Variants in FAM149A observed in about 807,000 individuals in gnomAD.
The protein encoded by FAM149A is family with sequence similarity 149 member A, also known as protein FAM149A.
A neutral mutation model predicts 78.2 loss-of-function variants in FAM149A; 71 were observed. The ratio of observed to expected loss-of-function variants is 0.91; its 90% CI spans 0.75 to 1.11. The LOEUF (loss-of-function observed/expected upper bound fraction) is 1.11, where lower values mean the gene tolerates loss of function less well. FAM149A is among the 50% of genes least tolerant of loss of function. FAM149A has a pLI of 0.00. For missense variants in FAM149A, 1,036 were observed against 971.0 expected (o/e 1.07, Z -0.89); for synonymous variants, 446 against 410.5 (o/e 1.09, Z -1.04).
intron 1 of FAM149A, 57 bp downstream of exon 1, chr4:186,105,699 C>G (rs1401485511): frequency 2.0e-6 from 2 of 1,012,384 alleles, no homozygotes; most frequent in Non-Finnish European, 2.4e-6. Context: ...CCGACCCCTC[C>G]GCCTGCCGCA....
intron 8 of FAM149A, 73 bp downstream of exon 8, chr4:186,157,792 A>T: frequency 6.4e-7 from 1 of 1,565,900 alleles, no homozygotes; most frequent in East Asian, 2.3e-5. Context: ...TCGTTCTGTT[A>T]AACTGCAGTA....
intron 1 of FAM149A, among the ~76,000 whole-genome samples, chr4:186,129,230 A>T (rs548284862): frequency 6.6e-6 from 1 of 151,802 alleles, no homozygotes; most frequent in East Asian, 1.9e-4. Flanking sequence ...TGTGCTCCGA[A>T]TACACTTCTA....
chr4:186,148,999 GGTGT>G (rs70964919), intron 1 of FAM149A, among the ~76,000 whole-genome samples, 170 bp from the exon 2 acceptor site: 1,639 of 148,044 alleles, frequency 0.011, 21 homozygotes, highest in East Asian at 0.027. Flanking sequence ...ATCAGGATGG[GGTGT>G]GTGTGTGTGT....
rs1473254913 is a variant in FAM149A at position 186,144,872 on chromosome 4, AG to A, written c.567-4300del. 1.0e-6 allele frequency: 1 copy of A among 974,546 alleles called. No individual in the cohort carries two copies. The highest frequency in any genetic ancestry group is 1.2e-6 in the Non-Finnish European group (1 of 826,346). 60.4% of individuals were successfully genotyped at this position (974,546 alleles called of 1,614,324 possible). A position where few individuals can be genotyped will look rare whatever the true frequency, so the allele number is the denominator to read the frequency against. On this transcript the variant is annotated intron_variant, in intron 1 of 13. Coordinates refer to ENST00000389354, the MANE Select transcript of FAM149A (RefSeq NM_001367768.3). This position sits in a 1 kb window ranked among gnomAD's most constrained non-coding sequence, Gnocchi z 4.2. ...GATCTGGAGAGGGAAGGGGCGTGCG[AG>A]CCCCGCGGACCCCGGGCGCGCCCGG...
intron 1 of FAM149A, among the ~76,000 whole-genome samples, chr4:186,131,347 CAAAAA>C (rs35861617): frequency 6.7e-6 from 1 of 148,760 alleles, no homozygotes; most frequent in Non-Finnish European, 1.5e-5. Context: ...GACTCCAACT[CAAAAA>C]AAAAAAGAGG....
chr4:186,158,419 G>A (rs1392128232), intron 8 of FAM149A: 6 of 1,180,834 alleles, frequency 5.1e-6, no homozygotes, highest in Non-Finnish European at 6.4e-6. Context: ...GCTGGCTCAG[G>A]GAGTTCTGGG....
chr4:186,131,512 A>G (rs2099320730), intron 1 of FAM149A, among the ~76,000 whole-genome samples: 1 of 152,230 alleles, frequency 6.6e-6, no homozygotes, highest in Admixed American at 6.5e-5. Context: ...TCCAGGCTCC[A>G]TAACTGTGAC....
intron 1 of FAM149A, among the ~76,000 whole-genome samples, chr4:186,124,972 G>A (rs372638632): frequency 1.1e-4 from 17 of 152,266 alleles, no homozygotes; most frequent in African/African-American, 3.9e-4. Context: ...GGTGTGAGAC[G>A]GTATCTCGTT....
In FAM149A at chr4:186,172,039, T is replaced by A. The variant is rs557386900; in HGVS notation, c.*52T>A. On this transcript the variant is annotated 3_prime_UTR_variant, in exon 14 of 14. Transcript: ENST00000389354. The stretch of plus-strand genomic sequence containing the variant: ...ACCTGTGGCCTCGGCACACTGCTTA[T>A]CACTTGAAAAATGGAGGAACAAGTG... The A allele has an allele frequency of 1.4e-4, 215 of 1,586,210 alleles. 3 individuals are homozygous for A. In the South Asian group the frequency reaches 2.4e-3, roughly 18 times the overall value.
At chr4:186,110,545 T>G (rs1347221261) in intron 1 of FAM149A, among the ~76,000 whole-genome samples, 1 of 89,382 alleles carries the variant, frequency 1.1e-5, no homozygotes, top group East Asian at 3.4e-4. Flanking sequence ...CCCTCCCCCC[T>G]CCCCCAACCC....
At chr4:186,109,963 T>G (rs954790174) in intron 1 of FAM149A, 9 of 985,334 alleles carry the variant, frequency 9.1e-6, no homozygotes, top group Non-Finnish European at 1.1e-5. Context: ...CATTTACCAC[T>G]CTGGGATCAA....
At chr4:186,152,829 C>T (rs1021049736) in intron 4 of FAM149A, among the ~76,000 whole-genome samples, 1 of 152,214 alleles carries the variant, frequency 6.6e-6, no homozygotes, top group African/African-American at 2.4e-5. Flanking sequence ...CAGGCATGAG[C>T]CACCGCGCCC....
chr4:186,159,362 G>A (rs1355455117), intron 8 of FAM149A, among the ~76,000 whole-genome samples: 5 of 152,144 alleles, frequency 3.3e-5, no homozygotes, highest in Non-Finnish European at 7.4e-5. Context: ...GAGCAGGAAT[G>A]AGCAAGGCTC....
intron 8 of FAM149A, chr4:186,160,695 ACACACACTAC>A: frequency 6.2e-6 from 4 of 641,368 alleles, no homozygotes; most frequent in Non-Finnish European, 5.7e-6. Flanking sequence ...CACACATACC[ACACACACTAC>A]CACACACCAC....
chr4:186,118,196 C>T (rs1178199823), intron 1 of FAM149A: 4 of 985,440 alleles, frequency 4.1e-6, no homozygotes, highest in Non-Finnish European at 3.6e-6. Flanking sequence ...GATGACATCA[C>T]ACACCACGCA....
chr4:186,137,520 G>C (rs556672666), intron 1 of FAM149A, among the ~76,000 whole-genome samples: 4 of 151,846 alleles, frequency 2.6e-5, no homozygotes, highest in Non-Finnish European at 4.4e-5. Flanking sequence ...TATCTATTCT[G>C]GAATGAAAAT....
At chr4:186,147,078 G>A (rs971049427) in intron 1 of FAM149A, 1 of 714,128 alleles carries the variant, frequency 1.4e-6, no homozygotes, top group Non-Finnish European at 1.7e-6. Context: ...AGAGTAGCAG[G>A]TGATGATGAT....
rs969440433 is a variant in FAM149A at position 186,105,101 on chromosome 4, G to C, written c.25G>C (p.Gly9Arg). The change falls in exon 1 of 14, where the codon GGG becomes CGG. Residue 9 changes from glycine (G) to arginine (R), a missense_variant. Physicochemically the swap from Gly to Arg is moderately radical, Grantham distance 125. Transcript: ENST00000389354. ...CATGAAGGCTGCTGTGCTGGACCTT[G>C]GGTCTCTCTTGGCCAAACTCTTCGA... 6 of 1,281,052 alleles carry C rather than the reference G, an allele frequency of 4.7e-6. No individual in the cohort carries two copies. Among genetic ancestry groups the C allele is most frequent in the Non-Finnish European group, 6.1e-6 (6 of 985,280 alleles). 79.4% of individuals were successfully genotyped at this position (1,281,052 alleles called of 1,614,324 possible).
intron 1 of FAM149A, among the ~76,000 whole-genome samples, chr4:186,121,028 G>C (rs528219127): frequency 4.6e-5 from 7 of 150,896 alleles, no homozygotes; most frequent in Non-Finnish European, 1.0e-4. Flanking sequence ...CCATTTCAAA[G>C]TACAAATAAA....
Sources: gnomAD v4.1 joint callset for allele counts (sites outside exome capture counted in the v4.1 genomes callset) on GRCh38, gnomAD v4.1.1 for gene constraint, Gnocchi (gnomAD v3.1) non-coding constraint, MANE v1.5 for transcripts, NCBI Gene and HGNC (gene_info 2026-07-23, HGNC 2026-07-21) for gene names.